The following GRM8 variants were observed in gnomAD, a reference collection of about 807,000 sequenced individuals.
GRM8 encodes the protein glutamate metabotropic receptor 8.
GRM8 carries 47 observed loss-of-function variants against 87.2 expected under a neutral mutation model. That is an observed-to-expected ratio of 0.54 (90% confidence interval 0.43 to 0.69). GRM8 has a LOEUF of 0.69. GRM8 is among the 30% of genes least tolerant of loss of function. The pLI is 0.00. For missense variants in GRM8, 1,019 were observed against 1,139.2 expected, an observed-to-expected ratio of 0.89 and a Z score of 1.52; for synonymous variants, 396 against 404.5, an observed-to-expected ratio of 0.98 and a Z score of 0.25.
chr7:127,073,499 C>A (rs1446271757), intron 3 of GRM8, among the ~76,000 whole-genome samples: 2 of 152,142 alleles, frequency 1.3e-5, no homozygotes, highest in Non-Finnish European at 2.9e-5. Context: ...AAAGTACAGG[C>A]TCTGTTCTCT....
intron 6 of GRM8, among the ~76,000 whole-genome samples, chr7:126,804,830 T>C (rs1586007342): frequency 6.6e-6 from 1 of 152,198 alleles, no homozygotes; most frequent in East Asian, 1.9e-4. Flanking sequence ...CTACCTATGC[T>C]GAGGCTTGTT....
At chr7:127,079,421 C>A (rs940835373) in intron 3 of GRM8, among the ~76,000 whole-genome samples, 46 of 152,134 alleles carry the variant, frequency 3.0e-4, no homozygotes, top group African/African-American at 2.4e-5. Context: ...CACGCCCAGC[C>A]GTGTATTTTT....
intron 7 of GRM8, among the ~76,000 whole-genome samples, chr7:126,645,944 C>A (rs1455915292): frequency 6.6e-6 from 1 of 152,090 alleles, no homozygotes; most frequent in Non-Finnish European, 1.5e-5. Context: ...AGTCATACAC[C>A]ATAGCCCCTA....
intron 3 of GRM8, among the ~76,000 whole-genome samples, chr7:126,990,544 G>C (rs941860805): frequency 1.3e-5 from 2 of 152,216 alleles, no homozygotes; most frequent in African/African-American, 4.8e-5. Context: ...CCTGTTTTCA[G>C]ATAGCTTGAT....
At chr7:127,128,743 A>G (rs1827515886) in intron 2 of GRM8, among the ~76,000 whole-genome samples, 1 of 152,138 alleles carries the variant, frequency 6.6e-6, no homozygotes, top group African/African-American at 2.4e-5. Context: ...GTCAGATTCC[A>G]AAGACCACAT....
rs536200810 is a variant in GRM8, at chr7:126,544,506, T to TTTA, written c.1495-10622_1495-10620dup. Among the ~76,000 whole-genome samples, 1,380 of 151,760 alleles carry TTTA rather than the reference T, an allele frequency of 9.1e-3. 9 individuals are homozygous for TTTA. Among genetic ancestry groups the TTTA allele is most frequent in the African/African-American group, 0.03 (1,258 of 41,390 alleles). The stretch of plus-strand genomic sequence containing the variant: ...AACAAATTAATATTTTGAAAGTTTA[T>TTTA]TTATTATTATTATTATTATTTTGAG... On this transcript the variant is annotated intron_variant, in intron 8 of 10. Transcript: ENST00000339582.
chr7:126,873,325 TA>T (rs1471115847), intron 6 of GRM8, among the ~76,000 whole-genome samples: 1 of 152,172 alleles, frequency 6.6e-6, no homozygotes, highest in Non-Finnish European at 1.5e-5. Flanking sequence ...AAGAACTTTT[TA>T]AAATTTAGGC....
chr7:126,742,969 C>G (rs75883920), intron 7 of GRM8, among the ~76,000 whole-genome samples: 4,267 of 152,124 alleles, frequency 0.028, 223 homozygotes, highest in African/African-American at 0.098. Context: ...CCAACAGAGG[C>G]TGACCCGCTG....
At chr7:126,457,828 T>A (rs1803426404) in intron 9 of GRM8, among the ~76,000 whole-genome samples, 1 of 148,004 alleles carries the variant, frequency 6.8e-6, no homozygotes. Context: ...AAATGTAACA[T>A]AAAGAAAATC....
At chr7:126,592,903 TA>T (rs1244962737) in intron 8 of GRM8, among the ~76,000 whole-genome samples, 1 of 151,772 alleles carries the variant, frequency 6.6e-6, no homozygotes, top group Non-Finnish European at 1.5e-5. Flanking sequence ...TAACAAACAC[TA>T]AAAAACTACT....
At chr7:126,908,001 G>A (rs1335894838) in intron 3 of GRM8, among the ~76,000 whole-genome samples, 3 of 152,216 alleles carry the variant, frequency 2.0e-5, no homozygotes, top group African/African-American at 7.2e-5. Flanking sequence ...GACCAGTTAT[G>A]TGATGGTATC....
chr7:126,491,728 A>T (rs532135271), intron 9 of GRM8, among the ~76,000 whole-genome samples: 1 of 152,170 alleles, frequency 6.6e-6, no homozygotes, highest in African/African-American at 2.4e-5. Context: ...TAACAATAGG[A>T]AAGGCTGTTG....
At chr7:126,482,697 CAA>C (rs1806839465) in intron 9 of GRM8, among the ~76,000 whole-genome samples, 1 of 151,754 alleles carries the variant, frequency 6.6e-6, no homozygotes, top group South Asian at 2.1e-4. Context: ...TTGTAAGATG[CAA>C]AGAGTTATAG....
chr7:126,527,320 T>C (rs1217943509), intron 9 of GRM8, among the ~76,000 whole-genome samples: 1 of 152,122 alleles, frequency 6.6e-6, no homozygotes, highest in Non-Finnish European at 1.5e-5. Context: ...ATGGCGCCAC[T>C]GCACTCCAGC....
At chr7:126,817,725 C>T (rs3808149) in intron 6 of GRM8, among the ~76,000 whole-genome samples, 32,125 of 151,836 alleles carry the variant, frequency 0.21, 4,225 homozygotes, top group East Asian at 0.43. Context: ...AGGGGAGTGG[C>T]TGAAAGGGAG....
At chr7:126,992,738 G>A (rs186045269) in intron 3 of GRM8, among the ~76,000 whole-genome samples, 1 of 152,036 alleles carries the variant, frequency 6.6e-6, no homozygotes, top group Non-Finnish European at 1.5e-5. Context: ...AGGCCATGAG[G>A]ATGGGCCCTC....
chr7:126,568,298 C>T (rs777955577), intron 8 of GRM8, among the ~76,000 whole-genome samples: 13 of 152,076 alleles, frequency 8.5e-5, no homozygotes, highest in Admixed American at 1.3e-4. Context: ...TCCATAGTTA[C>T]GTTAACAGAA....
At chr7:127,242,132 G>C (rs953040997) in intron 2 of GRM8, among the ~76,000 whole-genome samples, 2 of 152,140 alleles carry the variant, frequency 1.3e-5, no homozygotes, top group Non-Finnish European at 2.9e-5. Flanking sequence ...AGAGCAGTCT[G>C]AATTAATAAG....
intron 7 of GRM8, among the ~76,000 whole-genome samples, chr7:126,664,662 T>C (rs893011514): frequency 3.9e-5 from 6 of 152,040 alleles, no homozygotes; most frequent in Admixed American, 1.3e-4. Context: ...CCTCAAACTA[T>C]AAGAATCCTA....
Sources: allele counts gnomAD v4.1 joint callset (sites outside exome capture counted in the v4.1 genomes callset), GRCh38; gene constraint gnomAD v4.1.1; transcripts MANE v1.5; gene names NCBI Gene and HGNC (gene_info 2026-07-23, HGNC 2026-07-21).